PDSS2: variants seen among roughly 807,000 people sequenced by gnomAD.
PDSS2 encodes decaprenyl diphosphate synthase subunit 2.
Under a neutral mutation model 44.5 loss-of-function variants are expected in PDSS2, and 31 were observed. The ratio of observed to expected loss-of-function variants is 0.70; its 90% CI spans 0.52 to 0.94. The LOEUF (loss-of-function observed/expected upper bound fraction) is 0.94. Among genes scored for constraint, PDSS2 ranks in the 40% least tolerant of loss-of-function variants. PDSS2 has a pLI of 0.00. For missense variants in PDSS2, 452 were observed against 482.2 expected (o/e 0.94, Z 0.59); for synonymous variants, 157 against 180.3 (o/e 0.87, Z 1.03).
At chr6:107,163,102 C>A (rs1771207791) in intron 7 of PDSS2, among the ~76,000 whole-genome samples, 1 of 152,204 alleles carries the variant, frequency 6.6e-6, no homozygotes, top group African/African-American at 2.4e-5. Context: ...AGCCTGCACT[C>A]CAGAATGTTT....
At chr6:107,400,104 C>T (rs536376968) in intron 1 of PDSS2, among the ~76,000 whole-genome samples, 6 of 152,106 alleles carry the variant, frequency 3.9e-5, no homozygotes, top group African/African-American at 1.4e-4. Context: ...TACTGGGGAG[C>T]CAGGCAATCC....
intron 4 of PDSS2, among the ~76,000 whole-genome samples, chr6:107,232,073 A>G (rs1774070197): frequency 6.6e-6 from 1 of 152,158 alleles, no homozygotes; most frequent in Admixed American, 6.5e-5. Context: ...TGATTTGTCT[A>G]GCACAGTTGC....
intron 1 of PDSS2, among the ~76,000 whole-genome samples, chr6:107,435,281 A>AACACACACAC (rs57353175): frequency 2.2e-5 from 3 of 133,794 alleles, no homozygotes; most frequent in Middle Eastern, 3.7e-3. Flanking sequence ...ACTGCCTCAA[A>AACACACACAC]ACACACACAC....
At chr6:107,256,998 G>A (rs993620610) in intron 3 of PDSS2, among the ~76,000 whole-genome samples, 2 of 151,600 alleles carry the variant, frequency 1.3e-5, no homozygotes, top group African/African-American at 4.8e-5. Context: ...TGGTTAACAT[G>A]GCAAAACCCC....
At chr6:107,299,146 C>CA (rs71991148) in intron 2 of PDSS2, among the ~76,000 whole-genome samples, 8,809 of 53,394 alleles carry the variant, frequency 0.16, 1,644 homozygotes, top group Admixed American at 0.24. Context: ...GACCCTGTCT[C>CA]AAAAAAAAAA....
At chr6:107,396,477 T>C (rs1779943171) in intron 1 of PDSS2, among the ~76,000 whole-genome samples, 1 of 152,206 alleles carries the variant, frequency 6.6e-6, no homozygotes, top group African/African-American at 2.4e-5. Context: ...AAGACAGTTG[T>C]TTCAGGTACA....
At chr6:107,453,766 T>C (rs1214687579) in intron 1 of PDSS2, among the ~76,000 whole-genome samples, 1 of 152,046 alleles carries the variant, frequency 6.6e-6, no homozygotes, top group Admixed American at 6.6e-5. Flanking sequence ...CCATACCTAG[T>C]AGAGGTATGG....
intron 7 of PDSS2, among the ~76,000 whole-genome samples, chr6:107,188,887 A>C (rs1474863084): frequency 6.6e-6 from 1 of 152,148 alleles, no homozygotes; most frequent in African/African-American, 2.4e-5. Flanking sequence ...CAGAACCATA[A>C]GCCAATTAAA....
intron 7 of PDSS2, among the ~76,000 whole-genome samples, chr6:107,190,793 G>A (rs1482092923): frequency 1.3e-5 from 2 of 152,200 alleles, no homozygotes; most frequent in African/African-American, 4.8e-5. Context: ...CAGGACCATG[G>A]GAGATGAAGC....
intron 4 of PDSS2, among the ~76,000 whole-genome samples, chr6:107,219,268 T>C (rs1773519901): frequency 6.6e-6 from 1 of 152,080 alleles, no homozygotes; most frequent in African/African-American, 2.4e-5. Flanking sequence ...ATAAAATACA[T>C]ATTTTCACAC....
chr6:107,412,355 C>T (rs1780531569), intron 1 of PDSS2, among the ~76,000 whole-genome samples: 1 of 150,338 alleles, frequency 6.7e-6, no homozygotes. Context: ...TCTCCTGCCT[C>T]AGCCTCCCAA....
At chr6:107,232,378 T>C (rs1406855646) in intron 4 of PDSS2, among the ~76,000 whole-genome samples, 2 of 152,190 alleles carry the variant, frequency 1.3e-5, no homozygotes, top group South Asian at 2.1e-4. Flanking sequence ...CTTCTTTCTA[T>C]TCCTTGGACA....
chr6:107,211,459 T>C lies in PDSS2; in HGVS notation c.876+650A>G, dbSNP rs181883762. Among the ~76,000 whole-genome samples the C allele has an allele frequency of 5.0e-3, 754 of 152,068 alleles. 9 individuals are homozygous for C. Among genetic ancestry groups the C allele is most frequent in the African/African-American group, 0.016 (676 of 41,510 alleles). On this transcript the variant is annotated intron_variant, in intron 5 of 7. Transcript: ENST00000369037. The stretch of plus-strand genomic sequence containing the variant: ...ATAAAGAGCTATAAGGGGCCAGGCG[T>C]GGTGGCTCACACCTGTAATCCCAGC...
chr6:107,286,137 A>AAATAAAT (rs1562435595), intron 2 of PDSS2, among the ~76,000 whole-genome samples: 2 of 15,522 alleles, frequency 1.3e-4, no homozygotes, highest in African/African-American at 2.0e-4. Flanking sequence ...GTCGCAAAAT[A>AAATAAAT]AAAAAAAAAA....
At chr6:107,381,353 TACTC>T (rs980620841) in intron 1 of PDSS2, among the ~76,000 whole-genome samples, 10 of 152,206 alleles carry the variant, frequency 6.6e-5, no homozygotes, top group Non-Finnish European at 1.3e-4. Context: ...TGCTATTAAA[TACTC>T]ACTAACAATA....
chr6:107,259,607 G>A (rs1444534703), intron 3 of PDSS2, among the ~76,000 whole-genome samples: 17 of 151,924 alleles, frequency 1.1e-4, no homozygotes, highest in African/African-American at 2.9e-4. Flanking sequence ...CCCAGGAGGC[G>A]GAGGTTGCAG....
chr6:107,188,124 C>T (rs780170185), intron 7 of PDSS2, among the ~76,000 whole-genome samples: 1 of 152,124 alleles, frequency 6.6e-6, no homozygotes, highest in African/African-American at 2.4e-5. Flanking sequence ...TGCCTGGAAT[C>T]CCAGCACTCT....
intron 1 of PDSS2, among the ~76,000 whole-genome samples, chr6:107,422,780 A>T (rs1220785740): frequency 6.6e-6 from 1 of 152,080 alleles, no homozygotes; most frequent in Non-Finnish European, 1.5e-5. Flanking sequence ...CTGAGTAATT[A>T]AGACTAGGGT....
At chr6:107,427,397 T>C (rs1195780399) in intron 1 of PDSS2, among the ~76,000 whole-genome samples, 1 of 152,216 alleles carries the variant, frequency 6.6e-6, no homozygotes, top group East Asian at 1.9e-4. Context: ...GGTATGTCTT[T>C]ATCAGCAGCA....
Sources: gnomAD v4.1 joint callset for allele counts (sites outside exome capture counted in the v4.1 genomes callset) on GRCh38, gnomAD v4.1.1 for gene constraint, MANE v1.5 for transcripts, NCBI Gene and HGNC (gene_info 2026-07-23, HGNC 2026-07-21) for gene names.